Variants in TBC1D19 observed in about 807,000 individuals in gnomAD.
TBC1D19 encodes TBC1 domain family member 19, also known as TBC1 domain family, member 19.
TBC1D19 carries 60 observed loss-of-function variants against 89.0 expected under a neutral mutation model. That is an observed-to-expected ratio of 0.67 (90% CI 0.55 to 0.84). The LOEUF (loss-of-function observed/expected upper bound fraction) is 0.84. TBC1D19 is among the 40% of genes least tolerant of loss of function. The probability of loss-of-function intolerance (pLI) is 0.00; values close to 1 mark genes in which losing one functional copy is unlikely to be tolerated. For missense variants in TBC1D19, 500 were observed against 610.8 expected (o/e 0.82, Z 1.91); for synonymous variants, 189 against 199.7 (o/e 0.95, Z 0.45).
intron 4 of TBC1D19, among the ~76,000 whole-genome samples, chr4:26,629,635 G>A (rs1197882549): frequency 2.6e-5 from 4 of 151,922 alleles, no homozygotes; most frequent in African/African-American, 4.8e-5. Context: ...ACTTATGTTC[G>A]TAATAATAGT....
intron 1 of TBC1D19, among the ~76,000 whole-genome samples, chr4:26,589,818 A>G (rs191547510): frequency 6.6e-6 from 1 of 152,270 alleles, no homozygotes; most frequent in East Asian, 1.9e-4. Context: ...AACCTTCCCC[A>G]GTGTTTTTAG....
At chr4:26,774,750 G>A in the TBC1D19 span, among the ~76,000 whole-genome samples, 3 of 152,144 alleles carry the variant, frequency 2.0e-5, no homozygotes. Flanking sequence ...GATAAAGGCA[G>A]TTTTACTGCT....
chr4:26,731,753 C>T (rs1165605427), intron 15 of TBC1D19, among the ~76,000 whole-genome samples: 3 of 152,098 alleles, frequency 2.0e-5, no homozygotes, highest in East Asian at 3.9e-4. Context: ...CGATCTGCGT[C>T]GTGTCATCAA....
chr4:26,767,696 A>G, the TBC1D19 span, among the ~76,000 whole-genome samples: 2 of 152,184 alleles, frequency 1.3e-5, no homozygotes, highest in African/African-American at 4.8e-5. Context: ...TGAAAAATAA[A>G]TTTCTGTAGT....
At chr4:26,683,816 G>A in intron 12 of TBC1D19, 67 bp downstream of exon 12, 1 of 1,285,892 alleles carries the variant, frequency 7.8e-7, no homozygotes, top group Non-Finnish European at 1.1e-6. Flanking sequence ...TCTTCAGTAT[G>A]CAGAGCCTGT....
intron 7 of TBC1D19, among the ~76,000 whole-genome samples, chr4:26,646,117 C>T (rs1288736143): frequency 4.6e-5 from 6 of 129,276 alleles, no homozygotes; most frequent in East Asian, 2.2e-4. Flanking sequence ...AGCGAGACTC[C>T]GTCTCAAAAA....
intron 4 of TBC1D19, among the ~76,000 whole-genome samples, chr4:26,634,196 G>A (rs1438379224): frequency 1.3e-5 from 2 of 151,782 alleles, no homozygotes; most frequent in African/African-American, 2.4e-5. Flanking sequence ...TTGAAGTGAT[G>A]GACAACTGCA....
chr4:26,626,306 G>A (rs562740360), intron 4 of TBC1D19, among the ~76,000 whole-genome samples: 1 of 152,222 alleles, frequency 6.6e-6, no homozygotes, highest in African/African-American at 2.4e-5. Flanking sequence ...AATACCTTGG[G>A]AAATACTTTG....
chr4:26,685,726 G>C (rs149660720), intron 12 of TBC1D19, among the ~76,000 whole-genome samples: 2 of 152,128 alleles, frequency 1.3e-5, no homozygotes, highest in Non-Finnish European at 2.9e-5. Flanking sequence ...ACTAGATTTG[G>C]ATCACAGGTA....
chr4:26,668,287 C>A (rs140771447), intron 9 of TBC1D19, among the ~76,000 whole-genome samples: 1,577 of 151,982 alleles, frequency 0.01, 13 homozygotes, highest in Middle Eastern at 0.075. Context: ...TTGAAATAAT[C>A]TTTGAGTTAT....
chr4:26,654,913 G>A (rs1175181651), intron 7 of TBC1D19, among the ~76,000 whole-genome samples: 6 of 152,116 alleles, frequency 3.9e-5, no homozygotes, highest in Admixed American at 6.5e-5. Context: ...TCCATTGCTG[G>A]TGAGGAGCTG....
At chr4:26,616,273 C>A (rs1258393096) in intron 3 of TBC1D19, among the ~76,000 whole-genome samples, 1 of 152,088 alleles carries the variant, frequency 6.6e-6, no homozygotes, top group Admixed American at 6.5e-5. Flanking sequence ...AGTCAAATAG[C>A]ATTGGATCAG....
At chr4:26,769,595 T>C in the TBC1D19 span, among the ~76,000 whole-genome samples, 1 of 151,288 alleles carries the variant, frequency 6.6e-6, no homozygotes, top group African/African-American at 2.4e-5. Flanking sequence ...CAGCCTGGAG[T>C]GTAGTGGTGT....
chr4:26,780,353 C>T, the TBC1D19 span, among the ~76,000 whole-genome samples: 27 of 152,268 alleles, frequency 1.8e-4, no homozygotes, highest in East Asian at 1.5e-3. Context: ...TTTTACCCTG[C>T]GGAATAACAC....
chr4:26,762,459 T>C, the TBC1D19 span, among the ~76,000 whole-genome samples: 2 of 152,218 alleles, frequency 1.3e-5, no homozygotes, highest in Non-Finnish European at 2.9e-5. Context: ...GGACCTTCAA[T>C]GTATACAGGT....
intron 9 of TBC1D19, among the ~76,000 whole-genome samples, chr4:26,670,537 T>A (rs897817081): frequency 1.3e-5 from 2 of 151,748 alleles, no homozygotes; most frequent in African/African-American, 4.8e-5. Flanking sequence ...GTACTGCAGG[T>A]AATAGAAAAA....
intron 1 of TBC1D19, among the ~76,000 whole-genome samples, chr4:26,595,605 G>C (rs2309414): frequency 0.88 from 133,924 of 152,126 alleles, 61,311 homozygotes; most frequent in Non-Finnish European, 1. Context: ...GGTCTAAGGT[G>C]TGTTTCTAGA....
chr4:26,723,713 T>G (rs1717123203), intron 15 of TBC1D19, among the ~76,000 whole-genome samples: 1 of 152,224 alleles, frequency 6.6e-6, no homozygotes, highest in African/African-American at 2.4e-5. Flanking sequence ...TATTTTTTGT[T>G]GTTATTCAAC....
the TBC1D19 span, among the ~76,000 whole-genome samples, chr4:26,779,015 A>G: frequency 6.6e-6 from 1 of 152,208 alleles, no homozygotes; most frequent in Non-Finnish European, 1.5e-5. Flanking sequence ...GATCCAAAGT[A>G]TAGCCATGTT....
Sources: gnomAD v4.1 joint callset for allele counts (sites outside exome capture counted in the v4.1 genomes callset) on GRCh38, gnomAD v4.1.1 for gene constraint, MANE v1.5 for transcripts, NCBI Gene and HGNC (gene_info 2026-07-23, HGNC 2026-07-21) for gene names.